TTBK2: variants seen among roughly 807,000 people sequenced by gnomAD.
TTBK2 encodes tau tubulin kinase 2.
In TTBK2, 28 loss-of-function variants were observed where a neutral mutation model predicts 110.8. That is an observed-to-expected ratio of 0.25 (90% CI 0.19 to 0.35). TTBK2 has a LOEUF of 0.35. Ranked by LOEUF, TTBK2 falls within the 10% of genes least tolerant of loss-of-function variation. TTBK2 has a pLI of 1.00. For synonymous variants in TTBK2, 532 were observed against 527.3 expected (o/e 1.01, Z -0.12); for missense variants, 1,369 against 1,500.3 (o/e 0.91, Z 1.45).
At chr15:42,758,217 C>T (rs1343369303) in intron 13 of TTBK2, among the ~76,000 whole-genome samples, 1 of 152,086 alleles carries the variant, frequency 6.6e-6, no homozygotes, top group Admixed American at 6.6e-5. Context: ...TTGACAAAGA[C>T]AAATAATTGA....
In TTBK2 at chr15:42,815,954, A is replaced by T. The variant is rs1209951984; in HGVS notation, c.603+1078T>A. Among the ~76,000 whole-genome samples, 157 of 53,376 alleles carry T rather than the reference A, an allele frequency of 2.9e-3. 9 individuals carry two copies. The highest frequency in any genetic ancestry group is 0.015 in the African/African-American group (137 of 9,078). 35.0% of individuals were successfully genotyped at this position (53,376 alleles called of 152,430 possible). On this transcript the variant is annotated intron_variant, in intron 7 of 14. Transcript: ENST00000267890. Reference sequence around the variant, plus strand: ...AAAATATATATATATATATTTAAAAAAAAAATATATATATATATATATATT... The same window carrying T: ...AAAATATATATATATATATTTAAAATAAAAATATATATATATATATATATT...
At chr15:42,757,313 G>A (rs559068425) in intron 13 of TTBK2, among the ~76,000 whole-genome samples, 69 of 151,722 alleles carry the variant, frequency 4.5e-4, no homozygotes, top group African/African-American at 1.7e-3. Flanking sequence ...GTCTCACTAT[G>A]TTGCCCAGGC....
chr15:42,793,280 T>C (rs1167156367), intron 10 of TTBK2, among the ~76,000 whole-genome samples: 1 of 152,148 alleles, frequency 6.6e-6, no homozygotes, highest in Admixed American at 6.5e-5. Flanking sequence ...CTAGTCAGGG[T>C]CTCACATTTA....
intron 3 of TTBK2, among the ~76,000 whole-genome samples, chr15:42,852,131 G>C (rs1437138315): frequency 6.6e-6 from 1 of 150,700 alleles, no homozygotes; most frequent in South Asian, 2.1e-4. Flanking sequence ...GTGCAGTCAC[G>C]CGATCTCGGC....
intron 3 of TTBK2, among the ~76,000 whole-genome samples, chr15:42,869,805 T>A (rs918213122): frequency 6.6e-6 from 1 of 152,182 alleles, no homozygotes; most frequent in Non-Finnish European, 1.5e-5. Context: ...AGAAGTACTA[T>A]CTAATAGGCT....
chr15:42,880,282 C>A (rs1894989490), intron 1 of TTBK2, among the ~76,000 whole-genome samples: 1 of 152,186 alleles, frequency 6.6e-6, no homozygotes, highest in Non-Finnish European at 1.5e-5. Context: ...CAATTCATAA[C>A]CACATTTACA....
chr15:42,822,155 AC>A (rs1272465100), intron 6 of TTBK2, among the ~76,000 whole-genome samples: 1 of 152,140 alleles, frequency 6.6e-6, no homozygotes, highest in African/African-American at 2.4e-5. Context: ...TGAGTTGTTT[AC>A]AGATCTTGGA....
At chr15:42,879,641 CAAAAAAAAAAAAAA>C (rs1485890008) in intron 1 of TTBK2, among the ~76,000 whole-genome samples, 1 of 116,124 alleles carries the variant, frequency 8.6e-6, no homozygotes, top group African/African-American at 3.2e-5. Context: ...ATCTTATTTA[CAAAAAAAAAAAAAA>C]GTGGGCCAAA....
At chr15:42,861,025 T>C (rs1448564717) in intron 3 of TTBK2, among the ~76,000 whole-genome samples, 2 of 152,150 alleles carry the variant, frequency 1.3e-5, no homozygotes, top group Admixed American at 6.5e-5. Context: ...AAGGGTATTA[T>C]ATAATGATAA....
chr15:42,785,916 G>A (rs1000750573), intron 10 of TTBK2, among the ~76,000 whole-genome samples: 1 of 152,044 alleles, frequency 6.6e-6, no homozygotes, highest in Non-Finnish European at 1.5e-5. Context: ...CACTTTAAGG[G>A]TCACAGTTAG....
At chr15:42,854,796 G>A (rs13380157) in intron 3 of TTBK2, among the ~76,000 whole-genome samples, 2,432 of 152,136 alleles carry the variant, frequency 0.016, 74 homozygotes, top group African/African-American at 0.056. Flanking sequence ...AACTGTCAAC[G>A]AGTATTTATA....
chr15:42,829,867 AT>A, intron 5 of TTBK2, 70 bp downstream of exon 5: 1 of 1,578,082 alleles, frequency 6.3e-7, no homozygotes, highest in Non-Finnish European at 8.7e-7. Flanking sequence ...TACATTTGTA[AT>A]TTATTGTGTC....
intron 13 of TTBK2, among the ~76,000 whole-genome samples, chr15:42,756,865 C>A (rs1211575897): frequency 2.7e-5 from 4 of 149,372 alleles, no homozygotes; most frequent in African/African-American, 1.0e-4. Context: ...TACCCCACCT[C>A]AAAAAAAACA....
chr15:42,763,101 TACGTATATATATATATACAC>T (rs1567008431), intron 13 of TTBK2, among the ~76,000 whole-genome samples: 22 of 109,134 alleles, frequency 2.0e-4, no homozygotes, highest in African/African-American at 8.7e-4. Flanking sequence ...TATATATATA[TACGTATATATATATATACAC>T]ATATATATAC....
At chr15:42,802,659 A>T (rs564987300) in intron 9 of TTBK2, among the ~76,000 whole-genome samples, 3 of 152,336 alleles carry the variant, frequency 2.0e-5, no homozygotes, top group Admixed American at 1.3e-4. Context: ...TCACATAGCA[A>T]CGGGGATACA....
At chr15:42,764,661 C>T (rs570121897) in intron 13 of TTBK2, among the ~76,000 whole-genome samples, 4 of 152,390 alleles carry the variant, frequency 2.6e-5, no homozygotes, top group African/African-American at 9.6e-5. Flanking sequence ...CCTCTGTAGA[C>T]TCCACCTCTG....
At chr15:42,778,733 G>T (rs1413835084) in intron 11 of TTBK2, among the ~76,000 whole-genome samples, 2 of 151,852 alleles carry the variant, frequency 1.3e-5, no homozygotes, top group African/African-American at 4.8e-5. Context: ...TATGAAAAAA[G>T]ATATTAAGAG....
chr15:42,798,010 G>A (rs2140881875), intron 9 of TTBK2, among the ~76,000 whole-genome samples: 1 of 151,986 alleles, frequency 6.6e-6, no homozygotes, highest in East Asian at 1.9e-4. Flanking sequence ...CAGCCTCCTG[G>A]GTAGCTGGGA....
chr15:42,801,639 T>C (rs1218033320), intron 9 of TTBK2: 1 of 839,876 alleles, frequency 1.2e-6, no homozygotes, highest in Non-Finnish European at 2.1e-6. Flanking sequence ...TCAGGGATGA[T>C]GCTGTCCATG....
Sources: allele counts gnomAD v4.1 joint callset (sites outside exome capture counted in the v4.1 genomes callset), GRCh38; gene constraint gnomAD v4.1.1; transcripts MANE v1.5; gene names NCBI Gene and HGNC (gene_info 2026-07-23, HGNC 2026-07-21).